The following OTUD5 variants were observed in gnomAD, a reference collection of about 807,000 sequenced individuals.
OTUD5 encodes the protein OTU deubiquitinase 5.
A neutral mutation model predicts 36.3 loss-of-function variants in OTUD5; 2 were observed. The ratio of observed to expected loss-of-function variants is 0.06; its 90% CI spans 0.02 to 0.17. The LOEUF (loss-of-function observed/expected upper bound fraction) is 0.17. Among genes scored for constraint, OTUD5 ranks in the 10% least tolerant of loss-of-function variants. The pLI is 1.00. For missense variants in OTUD5, 233 were observed against 512.3 expected, an observed-to-expected ratio of 0.45 and a Z score of 5.26; for synonymous variants, 234 against 214.9, an observed-to-expected ratio of 1.09 and a Z score of -0.78.
At chrX:48,952,822 T>C (rs1424475455) in intron 1 of OTUD5, among the ~76,000 whole-genome samples, 1 of 112,112 alleles carries the variant, frequency 8.9e-6, no homozygotes, top group Non-Finnish European at 1.9e-5. Flanking sequence ...AGCTACCCAA[T>C]TCCAGTTGGG....
At chrX:48,948,796 T>C (rs887589650) in intron 1 of OTUD5, among the ~76,000 whole-genome samples, 13 of 111,638 alleles carry the variant, frequency 1.2e-4, no homozygotes, top group Non-Finnish European at 1.9e-4. Flanking sequence ...CCTGAGGAGA[T>C]TGTGAACCTT....
chrX:48,950,534 TCTC>T (rs1276445341), intron 1 of OTUD5, among the ~76,000 whole-genome samples: 12 of 101,679 alleles, frequency 1.2e-4, no homozygotes, highest in Non-Finnish European at 2.0e-4. Context: ...AACTTCTCTC[TCTC>T]TTTTTTTTTT....
rs2063659122 is a variant in OTUD5, at chrX:48,925,890, C to T, written c.1220G>A (p.Arg407Gln). ...VARESYLQWL[R>Q]DQEKQARQVR... ...CTGGCGAGCCTGTTTCTCCTGATCC[C>T]GCAACCACTGCAGGTAGGATTCCCG... The change falls in exon 6 of 9, where the codon CGG becomes CAG. Residue 407 changes from arginine to glutamine, a missense_variant. This residue lies in a region of OTUD5 where 21 missense variants were observed against 161.9 expected (regional missense o/e 0.13). Coordinates refer to ENST00000376488, the MANE Select transcript of OTUD5 (RefSeq NM_001136157.2). The T allele has an allele frequency of 8.3e-7, 1 of 1,209,471 alleles. No homozygotes were observed. The highest frequency in any genetic ancestry group is 1.7e-5 in the African/African-American group (1 of 57,156).
chrX:48,938,461 C>T (rs2063864960), intron 2 of OTUD5, among the ~76,000 whole-genome samples: 1 of 110,788 alleles, frequency 9.0e-6, no homozygotes, highest in Non-Finnish European at 1.9e-5. Context: ...GGGAGGCCGA[C>T]GCAGGTGGAT....
intron 2 of OTUD5, among the ~76,000 whole-genome samples, chrX:48,941,432 CAAAAAAAAAAAAAAAAAAAAAAA>C (rs200040194): frequency 3.1e-5 from 1 of 31,928 alleles, no homozygotes; most frequent in African/African-American, 1.4e-4. Context: ...GACTCCATCT[CAAAAAAAAAAAAAAAAAAAAAAA>C]AAAAAAAAAA....
At chrX:48,955,601 T>C (rs1557054996) in intron 1 of OTUD5, among the ~76,000 whole-genome samples, 3 of 110,663 alleles carry the variant, frequency 2.7e-5, no homozygotes, top group Non-Finnish European at 3.8e-5. Flanking sequence ...CAAAGATCTG[T>C]AGGGAGGCCC....
At chrX:48,958,315 T>G (rs936304806), upstream of OTUD5, 5 of 112,620 alleles carry the variant, frequency 4.4e-5, no homozygotes, top group Admixed American at 3.7e-4. Context: ...GATTCCAACT[T>G]GAACGCTGTC....
chrX:48,956,810 G>A (rs782220397), intron 1 of OTUD5, among the ~76,000 whole-genome samples, 167 bp downstream of exon 1: 2 of 111,227 alleles, frequency 1.8e-5, no homozygotes, highest in Admixed American at 9.5e-5. Flanking sequence ...AAATCCTGGA[G>A]GGGAGGAAAG....
intron 4 of OTUD5, 22 bp downstream of exon 4, chrX:48,934,689 C>T: frequency 8.3e-7 from 1 of 1,205,811 alleles, no homozygotes; most frequent in Non-Finnish European, 1.1e-6. Flanking sequence ...ATCTTTCCCT[C>T]ACCTACCCAC....
chrX:48,944,570 G>A (rs782263254), intron 1 of OTUD5, among the ~76,000 whole-genome samples: 2 of 112,384 alleles, frequency 1.8e-5, no homozygotes, highest in Non-Finnish European at 3.8e-5. Flanking sequence ...CTGGCCCAGG[G>A]AGCCACACTG....
At chrX:48,951,548 G>A (rs1475526541) in intron 1 of OTUD5, among the ~76,000 whole-genome samples, 2 of 111,168 alleles carry the variant, frequency 1.8e-5, no homozygotes, top group Non-Finnish European at 3.8e-5. Flanking sequence ...CTGGGAGGTG[G>A]AGGTTGCAGT....
intron 1 of OTUD5, among the ~76,000 whole-genome samples, chrX:48,946,345 T>C (rs1443460949): frequency 9.0e-6 from 1 of 111,336 alleles, no homozygotes; most frequent in African/African-American, 3.3e-5. Context: ...TAACGTACCA[T>C]ATACTAGGGG....
intron 5 of OTUD5, among the ~76,000 whole-genome samples, chrX:48,926,371 G>C (rs1006445596): frequency 2.8e-5 from 3 of 105,343 alleles, no homozygotes; most frequent in African/African-American, 1.1e-4. Context: ...TTTTTTCTGA[G>C]ACGAAGTATC....
intron 1 of OTUD5, among the ~76,000 whole-genome samples, chrX:48,954,208 G>A (rs781816510): frequency 1.3e-4 from 14 of 110,654 alleles, no homozygotes; most frequent in Non-Finnish European, 2.5e-4. Context: ...TGATCCTCCC[G>A]CCTCAGCCTC....
At chrX:48,956,848 G>A (rs1244824820) in intron 1 of OTUD5, 129 bp downstream of exon 1, 4 of 715,337 alleles carry the variant, frequency 5.6e-6, no homozygotes, top group Non-Finnish European at 5.7e-6. Flanking sequence ...TACCGCCAGA[G>A]AAGACTGTCA....
chrX:48,938,561 G>A (rs964671900), intron 2 of OTUD5, among the ~76,000 whole-genome samples: 4 of 110,371 alleles, frequency 3.6e-5, no homozygotes, highest in African/African-American at 9.9e-5. Context: ...AGGCAGGGTG[G>A]TGGATGCCTG....
At chrX:48,944,721 G>T (rs1557051962) in intron 1 of OTUD5, among the ~76,000 whole-genome samples, 1 of 112,401 alleles carries the variant, frequency 8.9e-6, no homozygotes, top group Admixed American at 9.4e-5. Flanking sequence ...AAGGGCTAGA[G>T]GATTCCAAGA....
intron 5 of OTUD5, 151 bp downstream of exon 5, chrX:48,934,313 A>C (rs1166811537): frequency 4.3e-6 from 2 of 460,023 alleles, no homozygotes; most frequent in Non-Finnish European, 7.3e-6. Flanking sequence ...ACCTTAAGTA[A>C]CTCCCTATTT....
rs185029890 is a variant in OTUD5, at chrX:48,933,313, T to C, written c.1059+1151A>G. Among the ~76,000 whole-genome samples the C allele has an allele frequency of 7.2e-5, 8 of 111,877 alleles. No homozygotes were observed. In the East Asian group the frequency reaches 2.2e-3, roughly 31 times the overall value. On this transcript the variant is annotated intron_variant, in intron 5 of 8. Transcript: ENST00000376488. Reference sequence around the variant, plus strand: ...GGTAATCTGAGTCAAGTATGGTCTTTAGTTAATAATATGTCGATATTGGCT... The same window carrying C: ...GGTAATCTGAGTCAAGTATGGTCTTCAGTTAATAATATGTCGATATTGGCT...
Sources: gnomAD v4.1 joint callset for allele counts (sites outside exome capture counted in the v4.1 genomes callset) on GRCh38, gnomAD v4.1.1 for gene constraint, gnomAD v4.1.1 regional missense constraint, MANE v1.5 for transcripts, NCBI Gene and HGNC (gene_info 2026-07-23, HGNC 2026-07-21) for gene names.